Variants in CNTNAP2 observed in about 807,000 individuals in gnomAD.
CNTNAP2 encodes contactin associated protein 2.
CNTNAP2 carries 98 observed loss-of-function variants against 155.2 expected under a neutral mutation model. That is an observed-to-expected ratio of 0.63 (90% confidence interval 0.54 to 0.75). CNTNAP2 has a LOEUF of 0.75. Among genes scored for constraint, CNTNAP2 ranks in the 30% least tolerant of loss-of-function variants. CNTNAP2 has a pLI of 0.00. For synonymous variants in CNTNAP2, 651 were observed against 631.2 expected (o/e 1.03, Z -0.47); for missense variants, 1,727 against 1,688.1 (o/e 1.02, Z -0.40).
At chr7:146,375,654 T>A (rs1795294320) in intron 1 of CNTNAP2, among the ~76,000 whole-genome samples, 1 of 152,228 alleles carries the variant, frequency 6.6e-6, no homozygotes, top group African/African-American at 2.4e-5. Context: ...GCATGTTTAA[T>A]GAATAACTCT....
At chr7:146,474,522 G>A (rs1271303994) in intron 1 of CNTNAP2, among the ~76,000 whole-genome samples, 2 of 151,364 alleles carry the variant, frequency 1.3e-5, no homozygotes, top group Non-Finnish European at 2.9e-5. Flanking sequence ...CTTTAGCATT[G>A]GAGGGAGTTG....
chr7:147,018,675 C>G (rs1351540585), intron 3 of CNTNAP2, among the ~76,000 whole-genome samples: 1 of 151,908 alleles, frequency 6.6e-6, no homozygotes, highest in Non-Finnish European at 1.5e-5. Context: ...AAGTCATATG[C>G]AATTGCAACA....
intron 13 of CNTNAP2, among the ~76,000 whole-genome samples, chr7:147,861,578 A>G (rs970127922): frequency 2.0e-5 from 3 of 152,166 alleles, no homozygotes; most frequent in African/African-American, 7.2e-5. Context: ...ATCCAATTAG[A>G]AGAGAAAAGA....
At chr7:146,713,155 T>C (rs1801128462) in intron 1 of CNTNAP2, among the ~76,000 whole-genome samples, 1 of 151,992 alleles carries the variant, frequency 6.6e-6, no homozygotes, top group Admixed American at 6.6e-5. Context: ...AAAGCAGGCA[T>C]ACTCAAAAAG....
chr7:148,390,117 A>G (rs1056533126), intron 22 of CNTNAP2, among the ~76,000 whole-genome samples: 2 of 152,236 alleles, frequency 1.3e-5, no homozygotes, highest in African/African-American at 4.8e-5. Flanking sequence ...ATGGTTTATG[A>G]AAAACAATAA....
chr7:146,307,783 A>G (rs916818244), intron 1 of CNTNAP2, among the ~76,000 whole-genome samples: 16 of 152,176 alleles, frequency 1.1e-4, no homozygotes, highest in African/African-American at 3.9e-4. Context: ...CCATATGTAG[A>G]AAGCTGAAAC....
chr7:146,187,570 G>A lies in CNTNAP2; in HGVS notation c.97+70597G>A, dbSNP rs117095633. On this transcript the variant is annotated intron_variant, in intron 1 of 23. Coordinates refer to ENST00000361727, the MANE Select transcript of CNTNAP2 (RefSeq NM_014141.6). The stretch of plus-strand genomic sequence containing the variant: ...CTGTGACTTTCCTCTTTCCAAATTT[G>A]ATATGACCTGGCTTAAGTAAGATAT... Among the ~76,000 whole-genome samples the A allele has an allele frequency of 8.2e-4, 125 of 152,204 alleles. 1 individual carries two copies. In the East Asian group the frequency reaches 0.021, roughly 25 times the overall value.
At chr7:147,596,695 T>C (rs1478612358) in intron 12 of CNTNAP2, among the ~76,000 whole-genome samples, 1 of 152,166 alleles carries the variant, frequency 6.6e-6, no homozygotes, top group African/African-American at 2.4e-5. Flanking sequence ...AACTCCATCT[T>C]GAATAAGAGC....
intron 1 of CNTNAP2, among the ~76,000 whole-genome samples, chr7:146,564,401 G>T: frequency 6.6e-6 from 1 of 151,746 alleles, no homozygotes; most frequent in Non-Finnish European, 1.5e-5. Context: ...GAGTTACAGA[G>T]AGGGTAGCTA....
chr7:148,173,370 T>A (rs1432934269), intron 18 of CNTNAP2, among the ~76,000 whole-genome samples: 1 of 152,214 alleles, frequency 6.6e-6, no homozygotes, highest in Non-Finnish European at 1.5e-5. Flanking sequence ...GGTAAAGTTT[T>A]CTGTGAGCGG....
chr7:148,390,230 A>T (rs746007018), intron 22 of CNTNAP2, among the ~76,000 whole-genome samples: 3 of 152,312 alleles, frequency 2.0e-5, no homozygotes, highest in Non-Finnish European at 4.4e-5. Context: ...CTCAGAGGAG[A>T]TGTTTTTACC....
intron 12 of CNTNAP2, among the ~76,000 whole-genome samples, chr7:147,635,184 C>CTA (rs57395379): frequency 0.23 from 31,414 of 136,994 alleles, 3,896 homozygotes; most frequent in African/African-American, 0.3. Context: ...CACTGGCAAA[C>CTA]TATATATATA....
At chr7:147,359,154 T>C (rs1202849225) in intron 9 of CNTNAP2, among the ~76,000 whole-genome samples, 1 of 152,178 alleles carries the variant, frequency 6.6e-6, no homozygotes, top group East Asian at 1.9e-4. Flanking sequence ...CTCAAAACTG[T>C]GCTCTTAATC....
intron 8 of CNTNAP2, among the ~76,000 whole-genome samples, chr7:147,260,110 C>T (rs1011447948): frequency 5.9e-5 from 9 of 152,126 alleles, no homozygotes; most frequent in East Asian, 3.8e-4. Context: ...AGATCAAGGA[C>T]GAAGGCAAAC....
intron 11 of CNTNAP2, among the ~76,000 whole-genome samples, chr7:147,510,870 T>TAA (rs1360144819): frequency 1.4e-5 from 2 of 143,102 alleles, no homozygotes; most frequent in East Asian, 4.0e-4. Flanking sequence ...TATATATATA[T>TAA]AATGCTTCCT....
intron 9 of CNTNAP2, among the ~76,000 whole-genome samples, chr7:147,394,009 A>G (rs1448503785): frequency 6.6e-6 from 1 of 152,028 alleles, no homozygotes; most frequent in Non-Finnish European, 1.5e-5. Flanking sequence ...TCACTTAATA[A>G]CTGGTATGGT....
In CNTNAP2 at chr7:148,285,844, C is replaced by A. The variant is rs536541371; in HGVS notation, c.3475+18718C>A. Among the ~76,000 whole-genome samples the A allele has an allele frequency of 3.9e-5, 6 of 152,218 alleles. No individual in the cohort carries two copies. The East Asian group carries it at 1.2e-3, about 29-fold the overall frequency. Reference sequence around the variant, plus strand: ...AACAGGAGAATTAGGGGTGCTGACCCCCTATGCAGTCAAAATTTTGCATAC... The same window carrying A: ...AACAGGAGAATTAGGGGTGCTGACCACCTATGCAGTCAAAATTTTGCATAC... On this transcript the variant is annotated intron_variant, in intron 21 of 23. Coordinates refer to ENST00000361727, the MANE Select transcript of CNTNAP2 (RefSeq NM_014141.6).
intron 3 of CNTNAP2, among the ~76,000 whole-genome samples, chr7:147,004,212 CA>C (rs71525979): frequency 2.0e-3 from 191 of 97,684 alleles, no homozygotes; most frequent in Middle Eastern, 0.014. Context: ...ACTCATATAC[CA>C]AAAAAAAAAA....
At chr7:147,752,599 G>T (rs952064157) in intron 13 of CNTNAP2, among the ~76,000 whole-genome samples, 1 of 152,204 alleles carries the variant, frequency 6.6e-6, no homozygotes, top group African/African-American at 2.4e-5. Flanking sequence ...GGAAAAATGA[G>T]CTCTCAATGT....
Sources: gnomAD v4.1 joint callset for allele counts (sites outside exome capture counted in the v4.1 genomes callset) on GRCh38, gnomAD v4.1.1 for gene constraint, MANE v1.5 for transcripts, NCBI Gene and HGNC (gene_info 2026-07-23, HGNC 2026-07-21) for gene names.